Variants in ZNF648 observed in about 807,000 individuals in gnomAD.
ZNF648 encodes zinc finger protein 648.
Under a neutral mutation model 0.3 loss-of-function variants are expected in ZNF648, and 1 was observed. The observed-to-expected ratio is 3.90, with a 90% confidence interval of 1.39 to 18.51. The LOEUF is 18.51. Ranked by LOEUF, ZNF648 falls within the 30% of genes most tolerant of loss-of-function variation. The probability of loss-of-function intolerance (pLI) is 0.11; values close to 1 mark genes in which losing one functional copy is unlikely to be tolerated. For missense variants in ZNF648, 874 were observed against 769.7 expected, an observed-to-expected ratio of 1.14 and a Z score of -1.60; for synonymous variants, 376 against 326.8, an observed-to-expected ratio of 1.15 and a Z score of -1.62.
chr1:182,056,874 C>T lies in ZNF648; in HGVS notation c.1137G>A (p.Leu379=), dbSNP rs56693693. The T allele has an allele frequency of 7.2e-4, 1,136 of 1,573,990 alleles. 9 individuals are homozygous for T. The African/African-American group carries it at 0.014, about 20-fold the overall frequency. ...CGLTFNKPLS[L]LRHQRTHLGA... The stretch of plus-strand genomic sequence containing the variant: ...CCAGGTGCGTGCGCTGGTGGCGCAG[C>T]AGCGACAGCGGCTTGTTGAAGGTCA... The change falls in exon 2 of 2, where the codon CTG becomes CTA. Residue 379 remains leucine (L), a synonymous_variant. Coordinates refer to ENST00000339948, the MANE Select transcript of ZNF648 (RefSeq NM_001009992.1).
At chr1:182,069,476 A>C in the ZNF648 span, among the ~76,000 whole-genome samples, 1 of 152,166 alleles carries the variant, frequency 6.6e-6, no homozygotes, top group South Asian at 2.1e-4. Context: ...AGTTTCTTGA[A>C]AGAAATTTCC....
chr1:182,061,978 C>T (rs1666037815), upstream of ZNF648, among the ~76,000 whole-genome samples: 1 of 152,200 alleles, frequency 6.6e-6, no homozygotes. Context: ...CCTGGTATGC[C>T]CATGGGCCAC....
chr1:182,057,533 C>G lies in ZNF648; in HGVS notation c.478G>C (p.Val160Leu). The G allele has an allele frequency of 6.2e-7, 1 of 1,614,250 alleles. No individual in the cohort carries two copies. Among genetic ancestry groups the G allele is most frequent in the Non-Finnish European group, 8.5e-7 (1 of 1,180,054 alleles). The change falls in exon 2 of 2, where the codon GTC (valine) becomes CTC (leucine). Residue 160 changes from valine (V) to leucine (L), a missense_variant. Transcript: ENST00000339948. ...DGYSGANQDA[V>L]LDVPPSFPSN... ...GGGAAGCTGGGTGGGACATCCAAGA[C>G]TGCGTCCTGGTTTGCCCCCGAGTAT...
In ZNF648 at chr1:182,057,662, G is replaced by A. The variant is rs1665956799; in HGVS notation, c.349C>T (p.Pro117Ser). The A allele has an allele frequency of 6.2e-7, 1 of 1,614,046 alleles. No individual in the cohort carries two copies. The highest frequency in any genetic ancestry group is 1.7e-5 in the Admixed American group (1 of 60,010). Residue 117 changes from proline (P) to serine (S), a missense_variant, in exon 2 of 2, where the codon CCG (proline) becomes TCG (serine). Physicochemically the swap from Pro to Ser is moderately conservative, Grantham distance 74 (BLOSUM62 -1). Coordinates refer to ENST00000339948, the MANE Select transcript of ZNF648 (RefSeq NM_001009992.1). ...VTKINETQGS[P>S]GASRALGSLP... ...GAACCCAGAGCTCTGCTTGCTCCCG[G>A]GGAACCCTGGGTCTCGTTGATCTTT...
chr1:182,057,390 A>G lies in ZNF648; in HGVS notation c.621T>C (p.His207=). The stretch of plus-strand genomic sequence containing the variant: ...GGGTGGCCGACGCCTGGGCTGGTGT[A>G]TGTGTCTCTTGCGTGGGAAGGTCCC... ...SNWDLPTQET[H]TPAQASATPA... Residue 207 remains histidine, a synonymous_variant, in exon 2 of 2, where the codon CAT becomes CAC. Coordinates refer to ENST00000339948, the MANE Select transcript of ZNF648 (RefSeq NM_001009992.1). The G allele has an allele frequency of 6.2e-7, 1 of 1,613,618 alleles. No individual in the cohort carries two copies. Among genetic ancestry groups the G allele is most frequent in the Non-Finnish European group, 8.5e-7 (1 of 1,180,000 alleles).
Position 182,056,173 on chromosome 1 carries a change from A to C in ZNF648, c.*131T>G, listed in dbSNP as rs1002600579. On this transcript the variant is annotated 3_prime_UTR_variant, in exon 2 of 2. Transcript: ENST00000339948. ...TGGTGACTTTCTGTTCAAGGGATCA[A>C]ATAAATAATCAAATGGACCACTGAT... The C allele has an allele frequency of 1.6e-6, 2 of 1,260,144 alleles. No individual in the cohort carries two copies. Among genetic ancestry groups the C allele is most frequent in the Non-Finnish European group, 2.2e-6 (2 of 930,134 alleles). 78.1% of individuals were successfully genotyped at this position (1,260,144 alleles called of 1,614,324 possible). A position where few individuals can be genotyped will look rare whatever the true frequency, so the allele number is the denominator to read the frequency against.
rs1665913971 is a variant in ZNF648 at position 182,056,543 on chromosome 1, T to G, written c.1468A>C (p.Thr490Pro). 6.2e-7 allele frequency: 1 copy of G among 1,613,748 alleles called. No individual in the cohort carries two copies. The highest frequency in any genetic ancestry group is 8.5e-7 in the Non-Finnish European group (1 of 1,179,980). Residue 490 changes from threonine to proline, a missense_variant, in exon 2 of 2, where the codon ACC becomes CCC. By Grantham distance (38) the Thr-to-Pro change is conservative. Transcript: ENST00000339948. ...TGGATCTGTTGGTGCCGCTTCAGGGTCGAAGAGCGGGCAAAGGCCTGGCCA... is the reference window on the plus strand; with the variant it reads ...TGGATCTGTTGGTGCCGCTTCAGGGGCGAAGAGCGGGCAAAGGCCTGGCCA... ...QCGQAFARSS[T>P]LKRHQQIHSG...
chr1:182,057,171 C>A lies in ZNF648; in HGVS notation c.840G>T (p.Ala280=). 6.3e-6 allele frequency: 10 copies of A among 1,592,386 alleles called. No individual in the cohort carries two copies. Among genetic ancestry groups the A allele is most frequent in the South Asian group, 1.1e-5 (1 of 90,230 alleles). ...ETRGGAAKRY[A]CELCGKAYSH... ...AGTAGGCCTTCCCGCATAGCTCGCA[C>A]GCGTAGCGCTTGGCGGCGCCGCCGC... is the stretch of plus-strand genomic sequence containing the variant. The change falls in exon 2 of 2, where the codon GCG becomes GCT. Residue 280 remains alanine, a synonymous_variant. Coordinates refer to ENST00000339948, the MANE Select transcript of ZNF648 (RefSeq NM_001009992.1).
chr1:182,061,360 G>A (rs1279899407), intron 1 of ZNF648, among the ~76,000 whole-genome samples: 1 of 152,176 alleles, frequency 6.6e-6, no homozygotes, highest in Admixed American at 6.5e-5. Flanking sequence ...TGCAGCCTTT[G>A]ACTCCCCAAC....
At position 182,056,325 on chromosome 1, in the gene ZNF648, G is replaced by A; in HGVS notation, c.1686C>T (p.Ile562=). 2 of 1,613,114 alleles carry A rather than the reference G, an allele frequency of 1.2e-6. No individual in the cohort carries two copies. The highest frequency in any genetic ancestry group is 1.7e-6 in the Non-Finnish European group (2 of 1,179,400). Reference sequence around the variant, plus strand: ...ATCTTCACTCGTCAGAGGAGGAAGGGATGGGCTCCTTCTTGCAGGTGCCGT... The same window carrying A: ...ATCTTCACTCGTCAGAGGAGGAAGGAATGGGCTCCTTCTTGCAGGTGCCGT... ...AKHGTCKKEP[I]PSSSDE The change falls in exon 2 of 2, where the codon ATC becomes ATT. Residue 562 remains isoleucine, a synonymous_variant. Transcript: ENST00000339948.
In ZNF648 at chr1:182,057,342, G is replaced by C. The variant is rs1447674293; in HGVS notation, c.669C>G (p.Val223=). The change falls in exon 2 of 2, where the codon GTC becomes GTG. Residue 223 remains valine, a synonymous_variant. Coordinates refer to ENST00000339948, the MANE Select transcript of ZNF648 (RefSeq NM_001009992.1). ...TCCTGCTGTTCCGCGCTTTTGCCAG[G>C]ACCGCGGCAGCCAGGCTGGCTGGGG... ...SATPASLAAA[V]LAKARNSRKV... 1.2e-6 allele frequency: 2 copies of C among 1,610,138 alleles called. No individual in the cohort carries two copies. Among genetic ancestry groups the C allele is most frequent in the Non-Finnish European group, 8.5e-7 (1 of 1,179,794 alleles).
Position 182,054,904 on chromosome 1 carries a change from T to C in ZNF648, c.*1400A>G, listed in dbSNP as rs1249692976. Reference sequence around the variant, plus strand: ...CTCTTACTTCTCTTTGGCGCCCCCATGTGTCATGAGAATGCTATTTAGAGG... The same window carrying C: ...CTCTTACTTCTCTTTGGCGCCCCCACGTGTCATGAGAATGCTATTTAGAGG... On this transcript the variant is annotated 3_prime_UTR_variant, in exon 2 of 2. Coordinates refer to ENST00000339948, the MANE Select transcript of ZNF648 (RefSeq NM_001009992.1). 1 of 152,184 alleles carries C rather than the reference T, an allele frequency of 6.6e-6. No homozygotes were observed. Among genetic ancestry groups the C allele is most frequent in the African/African-American group, 2.4e-5 (1 of 41,418 alleles). 9.4% of individuals were successfully genotyped at this position (152,184 alleles called of 1,614,324 possible). A position where few individuals can be genotyped will look rare whatever the true frequency, so the allele number is the denominator to read the frequency against.
Position 182,058,083 on chromosome 1 carries a change from G to C in ZNF648, c.-63-10C>G. 1 of 1,500,628 alleles carries C rather than the reference G, an allele frequency of 6.7e-7. No homozygotes were observed. The highest frequency in any genetic ancestry group is 8.9e-7 in the Non-Finnish European group (1 of 1,121,050). 93.0% of individuals were successfully genotyped at this position (1,500,628 alleles called of 1,614,324 possible). On this transcript the variant is annotated splice_polypyrimidine_tract_variant and intron_variant, in intron 1 of 1. Coordinates refer to ENST00000339948, the MANE Select transcript of ZNF648 (RefSeq NM_001009992.1). ...GCTTGGCTCAGGATACCTGCAAAAA[G>C]AAAAGTACGAAGAGAAAATCACAAA...
In ZNF648 at chr1:182,056,162, T is replaced by C. The variant is rs553051994; in HGVS notation, c.*142A>G. 4.0e-5 allele frequency: 48 copies of C among 1,189,908 alleles called. No individual in the cohort carries two copies. The African/African-American group carries it at 7.0e-4, about 17-fold the overall frequency. 73.7% of individuals were successfully genotyped at this position (1,189,908 alleles called of 1,614,324 possible). On this transcript the variant is annotated 3_prime_UTR_variant, in exon 2 of 2. Transcript: ENST00000339948. ...TGCTCTCTCGGTGGTGACTTTCTGT[T>C]CAAGGGATCAAATAAATAATCAAAT...
In ZNF648 at chr1:182,057,085, C is replaced by T. The variant is rs765564165; in HGVS notation, c.926G>A (p.Cys309Tyr). 1 of 1,612,350 alleles carries T rather than the reference C, an allele frequency of 6.2e-7. No homozygotes were observed. Among genetic ancestry groups the T allele is most frequent in the Non-Finnish European group, 8.5e-7 (1 of 1,179,932 alleles). ...RLHTGERPYQ[C>Y]SFCDKAYTWS... ...GGTGTAGGCCTTGTCGCAGAAGGAG[C>T]ACTGGTAGGGCCGCTCGCCCGTGTG... is the stretch of plus-strand genomic sequence containing the variant. Residue 309 changes from cysteine (C) to tyrosine (Y), a missense_variant, in exon 2 of 2, where the codon TGC (cysteine) becomes TAC (tyrosine). By Grantham distance (194) the Cys-to-Tyr change is radical (BLOSUM62 -2). Transcript: ENST00000339948.
chr1:182,058,604 C>A (rs1008251731), intron 1 of ZNF648, among the ~76,000 whole-genome samples: 1 of 152,116 alleles, frequency 6.6e-6, no homozygotes, highest in African/African-American at 2.4e-5. Context: ...AGATAAGGAG[C>A]AGCCCTTGGG....
At position 182,057,541 on chromosome 1, in the gene ZNF648, TG is replaced by T. The variant is rs753113967; in HGVS notation, c.469del (p.Gln157ArgfsTer24). ...GGGTGGGACATCCAAGACTGCGTCC[TG>T]GTTTGCCCCCGAGTATCCATCATCA... ...AGDDGYSGAN[Q>X]DAVLDVPPSF... On this transcript the variant is annotated frameshift_variant, in exon 2 of 2. Coordinates refer to ENST00000339948, the MANE Select transcript of ZNF648 (RefSeq NM_001009992.1). LOFTEE classifies it low-confidence loss of function (END_TRUNC). The T allele has an allele frequency of 1.5e-5, 25 of 1,614,226 alleles. No individual in the cohort carries two copies. The highest frequency in any genetic ancestry group is 2.1e-5 in the Non-Finnish European group (25 of 1,180,044).
Position 182,056,719 on chromosome 1 carries a change from T to G in ZNF648, c.1292A>C (p.Lys431Thr). ...CTGGTGCTCGGACAGATTGGAGGAC[T>G]TGGTGAAGCACTTGCCGCAGGTGGG... is the stretch of plus-strand genomic sequence containing the variant. ...PCPTCGKCFT[K>T]SSNLSEHQTL... is the part of the protein sequence containing the mutation. Residue 431 changes from lysine to threonine, a missense_variant, in exon 2 of 2, where the codon AAG (lysine) becomes ACG (threonine). Physicochemically the swap from Lys to Thr is moderately conservative, Grantham distance 78. Coordinates refer to ENST00000339948, the MANE Select transcript of ZNF648 (RefSeq NM_001009992.1). 1.9e-6 allele frequency: 3 copies of G among 1,591,504 alleles called. No individual in the cohort carries two copies. Among genetic ancestry groups the G allele is most frequent in the South Asian group, 1.1e-5 (1 of 88,014 alleles).
chr1:182,065,058 A>T (rs1336085673), upstream of ZNF648, among the ~76,000 whole-genome samples: 1 of 152,160 alleles, frequency 6.6e-6, no homozygotes, highest in Non-Finnish European at 1.5e-5. Context: ...ATCACATCCT[A>T]ACGAAGCAGC....
Sources: gnomAD v4.1 joint callset for allele counts (sites outside exome capture counted in the v4.1 genomes callset) on GRCh38, gnomAD v4.1.1 for gene constraint, MANE v1.5 for transcripts, NCBI Gene and HGNC (gene_info 2026-07-23, HGNC 2026-07-21) for gene names.